Variants in NME7 observed in about 807,000 individuals in gnomAD.
The protein encoded by NME7 is NME/NM23 family member 7.
NME7 carries 41 observed loss-of-function variants against 49.1 expected under a neutral mutation model. That is an observed-to-expected ratio of 0.83 (90% CI 0.65 to 1.08). The LOEUF (loss-of-function observed/expected upper bound fraction) is 1.08, where lower values mean the gene tolerates loss of function less well. NME7 is among the 50% of genes least tolerant of loss of function. NME7 has a pLI of 0.00. For missense variants in NME7, 423 were observed against 463.4 expected, an observed-to-expected ratio of 0.91 and a Z score of 0.80; for synonymous variants, 139 against 150.6, an observed-to-expected ratio of 0.92 and a Z score of 0.56.
intron 11 of NME7, among the ~76,000 whole-genome samples, chr1:169,157,660 G>C (rs1212952220): frequency 3.3e-5 from 5 of 152,158 alleles, no homozygotes; most frequent in Admixed American, 6.6e-5. Flanking sequence ...GAGTTCCGTT[G>C]GAAGTGTAAC....
intron 7 of NME7, among the ~76,000 whole-genome samples, chr1:169,260,432 T>C (rs1332962609): frequency 7.5e-6 from 1 of 132,850 alleles, no homozygotes; most frequent in Non-Finnish European, 1.8e-5. Flanking sequence ...TAATCTGCCA[T>C]GTAACTTGAA....
At chr1:169,184,779 AAC>A (rs1324445640) in intron 10 of NME7, among the ~76,000 whole-genome samples, 2 of 152,194 alleles carry the variant, frequency 1.3e-5, no homozygotes, top group African/African-American at 4.8e-5. Flanking sequence ...CATGTTAATA[AAC>A]AGTCGGTGAT....
In NME7 at chr1:169,298,628, A is replaced by G. The variant is rs769359840; in HGVS notation, c.576T>C (p.Ile192=). 6.2e-7 allele frequency: 1 copy of G among 1,614,016 alleles called. No homozygotes were observed. Among genetic ancestry groups the G allele is most frequent in the Admixed American group, 1.7e-5 (1 of 59,980 alleles). The change falls in exon 6 of 12, where the codon ATT becomes ATC. Residue 192 remains isoleucine (I), a synonymous_variant. Transcript: ENST00000367811. ...GVARTDASES[I]RALFGTDGIR... ...TGCCATCTGTTCCAAAGAGGGCTCT[A>G]ATGCTTTCAGAAGCATCTGTGCGTG...
At chr1:169,309,502 A>G (rs979197791) in intron 4 of NME7, among the ~76,000 whole-genome samples, 1 of 152,170 alleles carries the variant, frequency 6.6e-6, no homozygotes, top group Non-Finnish European at 1.5e-5. Flanking sequence ...GACAAAAAGG[A>G]AAGCAGCACT....
intron 6 of NME7, among the ~76,000 whole-genome samples, chr1:169,294,449 T>C (rs1342492554): frequency 6.6e-6 from 1 of 152,154 alleles, no homozygotes; most frequent in Non-Finnish European, 1.5e-5. Context: ...TATAAGTCTA[T>C]GTTTTGGTAA....
intron 10 of NME7, among the ~76,000 whole-genome samples, chr1:169,201,018 C>T (rs1028054464): frequency 6.6e-6 from 1 of 152,002 alleles, no homozygotes; most frequent in Non-Finnish European, 1.5e-5. Flanking sequence ...ATCCCTTGAA[C>T]TCAGGAGTTT....
chr1:169,298,315 G>A (rs1015769956), intron 6 of NME7, among the ~76,000 whole-genome samples: 2 of 152,132 alleles, frequency 1.3e-5, no homozygotes, highest in Non-Finnish European at 2.9e-5. Context: ...TTGGGAACAA[G>A]AAACAGGATG....
intron 10 of NME7, among the ~76,000 whole-genome samples, chr1:169,217,513 G>T (rs1199506430): frequency 6.6e-6 from 1 of 151,950 alleles, no homozygotes; most frequent in Non-Finnish European, 1.5e-5. Context: ...CTTTGATGTG[G>T]CTACTAGAAA....
chr1:169,235,970 CCA>C lies in NME7; in HGVS notation c.820-773_820-772del, dbSNP rs3981320. On this transcript the variant is annotated intron_variant, in intron 8 of 11. Coordinates refer to ENST00000367811, the MANE Select transcript of NME7 (RefSeq NM_013330.5). ...TTTTTAAAAAGTAGCCTCAGAATTCCCAGTTTTATTTTCCCTCCATTTTGCTT... is the reference window on the plus strand; with the variant it reads ...TTTTTAAAAAGTAGCCTCAGAATTCCGTTTTATTTTCCCTCCATTTTGCTT... Among the ~76,000 whole-genome samples, 8,566 of 151,712 alleles carry C rather than the reference CCA, an allele frequency of 0.056. 1,365 individuals are homozygous for C. The East Asian group carries it at 0.66, about 12-fold the overall frequency.
chr1:169,279,608 G>C (rs1649914730), intron 7 of NME7, among the ~76,000 whole-genome samples: 1 of 152,226 alleles, frequency 6.6e-6, no homozygotes, highest in Admixed American at 6.5e-5. Context: ...TCCTTGACCA[G>C]GAAAGGGAAC....
At chr1:169,336,766 G>C (rs1357418052) in intron 1 of NME7, among the ~76,000 whole-genome samples, 1 of 150,998 alleles carries the variant, frequency 6.6e-6, no homozygotes, top group Non-Finnish European at 1.5e-5. Flanking sequence ...GCTAAACACT[G>C]GGTGCTGATT....
chr1:169,247,952 G>GC (rs1648393611), intron 7 of NME7, among the ~76,000 whole-genome samples: 2 of 152,258 alleles, frequency 1.3e-5, no homozygotes, highest in African/African-American at 4.8e-5. Flanking sequence ...ACATATGCGT[G>GC]CAAGTGTCTT....
At chr1:169,253,028 T>C (rs1648706764) in intron 7 of NME7, among the ~76,000 whole-genome samples, 1 of 150,708 alleles carries the variant, frequency 6.6e-6, no homozygotes, top group Non-Finnish European at 1.5e-5. Context: ...TGGCTTAGGA[T>C]TGACTTGGCG....
intron 11 of NME7, among the ~76,000 whole-genome samples, chr1:169,143,273 C>CTTTTTTTTTTTTTTTTTTT (rs71299493): frequency 3.1e-5 from 3 of 98,178 alleles, no homozygotes; most frequent in Non-Finnish European, 6.3e-5. Flanking sequence ...TCACCTCAGG[C>CTTTTTTTTTTTTTTTTTTT]TTTTTTTTTT....
intron 3 of NME7, 56 bp from the exon 4 acceptor site, chr1:169,310,136 T>C (rs1651330819): frequency 1.9e-6 from 2 of 1,063,660 alleles, no homozygotes; most frequent in Non-Finnish European, 2.8e-6. Flanking sequence ...AGTTTTTATT[T>C]ATAATTCCCA....
Position 169,266,096 on chromosome 1 carries a change from C to T in NME7, c.754+21207G>A, listed in dbSNP as rs576042470. ...CCAAAAAATTGAGGAGGAGGGAATCCTCCTCAACTCATTCTATGAGGCCAT... is the reference window on the plus strand; with the variant it reads ...CCAAAAAATTGAGGAGGAGGGAATCTTCCTCAACTCATTCTATGAGGCCAT... On this transcript the variant is annotated intron_variant, in intron 7 of 11. Coordinates refer to ENST00000367811, the MANE Select transcript of NME7 (RefSeq NM_013330.5). Among the ~76,000 whole-genome samples, 14 of 132,288 alleles carry T rather than the reference C, an allele frequency of 1.1e-4. 4 individuals carry two copies. The East Asian group carries it at 2.2e-3, about 21-fold the overall frequency. 86.8% of individuals were successfully genotyped at this position (132,288 alleles called of 152,430 possible).
chr1:169,161,195 T>C (rs1659232818), intron 11 of NME7, among the ~76,000 whole-genome samples: 1 of 152,224 alleles, frequency 6.6e-6, no homozygotes, highest in Non-Finnish European at 1.5e-5. Flanking sequence ...TTTCCAGCTT[T>C]ATCTCTTGCC....
At chr1:169,304,680 G>A (rs1003817608) in intron 4 of NME7, among the ~76,000 whole-genome samples, 2 of 152,100 alleles carry the variant, frequency 1.3e-5, no homozygotes, top group East Asian at 1.9e-4. Flanking sequence ...ATTTTACATC[G>A]GAAAAGAATA....
chr1:169,343,303 G>A (rs1306904796), intron 1 of NME7, among the ~76,000 whole-genome samples: 1 of 151,976 alleles, frequency 6.6e-6, no homozygotes, highest in Admixed American at 6.6e-5. Flanking sequence ...TGTGAGATTA[G>A]TCGAAATTGC....
Sources: allele counts gnomAD v4.1 joint callset (sites outside exome capture counted in the v4.1 genomes callset), GRCh38; gene constraint gnomAD v4.1.1; transcripts MANE v1.5; gene names NCBI Gene and HGNC (gene_info 2026-07-23, HGNC 2026-07-21).